Variants in RANBP2 observed in about 807,000 individuals in gnomAD.
The protein encoded by RANBP2 is RAN binding protein 2, also known as E3 SUMO-protein ligase RanBP2.
RANBP2 carries 57 observed loss-of-function variants against 303.6 expected under a neutral mutation model. That is an observed-to-expected ratio of 0.19 (90% confidence interval 0.15 to 0.23). RANBP2 has a LOEUF of 0.23. Among genes scored for constraint, RANBP2 ranks in the 10% least tolerant of loss-of-function variants. RANBP2 has a pLI of 1.00. For synonymous variants in RANBP2, 1,167 were observed against 1,301.5 expected (o/e 0.90, Z 2.23); for missense variants, 3,138 against 3,780.8 (o/e 0.83, Z 4.46).
At chr2:108,950,170 T>A in the RANBP2 span, among the ~76,000 whole-genome samples, 1 of 152,104 alleles carries the variant, frequency 6.6e-6, no homozygotes, top group East Asian at 1.9e-4. Context: ...CCATCTAAGA[T>A]GTCATGTCTT....
the RANBP2 span, among the ~76,000 whole-genome samples, chr2:109,513,692 G>A: frequency 6.6e-6 from 1 of 152,214 alleles, no homozygotes; most frequent in African/African-American, 2.4e-5. Context: ...ATGAGGCTTT[G>A]CAGGAGGAGT....
the RANBP2 span, chr2:109,605,604 A>T: frequency 6.6e-6 from 1 of 152,260 alleles, no homozygotes; most frequent in Non-Finnish European, 1.5e-5. Context: ...AGAATACCTG[A>T]GGATAAGCTA....
chr2:109,441,631 T>A, the RANBP2 span, among the ~76,000 whole-genome samples: 2 of 152,140 alleles, frequency 1.3e-5, no homozygotes, highest in African/African-American at 4.8e-5. Flanking sequence ...GAAAAATGAT[T>A]TGAAGAAATA....
the RANBP2 span, among the ~76,000 whole-genome samples, chr2:109,207,980 T>TC: frequency 6.6e-6 from 1 of 152,164 alleles, no homozygotes; most frequent in African/African-American, 2.4e-5. Flanking sequence ...GCATTCCCCC[T>TC]CCCCCATTTT....
the RANBP2 span, among the ~76,000 whole-genome samples, chr2:109,297,800 C>G: frequency 6.6e-6 from 1 of 151,464 alleles, no homozygotes; most frequent in Non-Finnish European, 1.5e-5. Flanking sequence ...TAGGTCAGCT[C>G]TCCCCACTAG....
At chr2:108,839,303 T>C in the RANBP2 span, 1 of 1,606,872 alleles carries the variant, frequency 6.2e-7, no homozygotes, top group African/African-American at 1.3e-5. Flanking sequence ...GGAGCACAGG[T>C]AATTGGTTAA....
the RANBP2 span, chr2:109,543,298 G>A: frequency 3.3e-5 from 5 of 152,276 alleles, no homozygotes; most frequent in African/African-American, 7.2e-5. Context: ...TTTTCCTAAT[G>A]AAAGCTGTGA....
At chr2:108,858,339 G>A in the RANBP2 span, among the ~76,000 whole-genome samples, 10 of 152,006 alleles carry the variant, frequency 6.6e-5, no homozygotes, top group East Asian at 1.9e-4. Flanking sequence ...GTAAGTCTCC[G>A]TCTCAAAAAC....
chr2:109,679,457 A>G, the RANBP2 span, among the ~76,000 whole-genome samples: 1 of 152,238 alleles, frequency 6.6e-6, no homozygotes, highest in Admixed American at 6.5e-5. Context: ...GGCATTGTCT[A>G]TGAAAGTTGA....
At chr2:109,639,830 C>T in the RANBP2 span, among the ~76,000 whole-genome samples, 12 of 151,144 alleles carry the variant, frequency 7.9e-5, no homozygotes, top group Non-Finnish European at 1.8e-4. Context: ...CCTGCCTCAG[C>T]ATCCTGAGTA....
the RANBP2 span, chr2:108,897,245 G>C: frequency 6.2e-7 from 1 of 1,608,008 alleles, no homozygotes. Context: ...GACACCAATG[G>C]CCACAGTTAG....
the RANBP2 span, among the ~76,000 whole-genome samples, chr2:109,488,622 G>A: frequency 1.3e-5 from 2 of 152,122 alleles, no homozygotes; most frequent in African/African-American, 2.4e-5. Flanking sequence ...TTCCTTTCTA[G>A]TTTCTACCCA....
At chr2:108,822,929 G>A in the RANBP2 span, among the ~76,000 whole-genome samples, 2 of 151,922 alleles carry the variant, frequency 1.3e-5, 1 homozygote, top group Admixed American at 1.3e-4. Flanking sequence ...GGAGAAAGAA[G>A]ACTGGAATAA....
chr2:109,581,761 C>G, the RANBP2 span, among the ~76,000 whole-genome samples: 69 of 152,262 alleles, frequency 4.5e-4, no homozygotes, highest in African/African-American at 1.6e-3. Flanking sequence ...CCCTTGAGAA[C>G]TGAAACAAGA....
At chr2:108,844,832 C>T in the RANBP2 span, among the ~76,000 whole-genome samples, 1 of 151,288 alleles carries the variant, frequency 6.6e-6, no homozygotes, top group Non-Finnish European at 1.5e-5. Context: ...ACTGCAACCT[C>T]CGACTCCCAG....
Position 108,768,108 on chromosome 2 carries a change from C to T in RANBP2, c.7569C>T (p.Ser2523=). The T allele has an allele frequency of 2.5e-6, 4 of 1,612,014 alleles. No homozygotes were observed. The highest frequency in any genetic ancestry group is 3.4e-6 in the Non-Finnish European group (4 of 1,179,852). The change falls in exon 20 of 29, where the codon AGC becomes AGT. Residue 2523 remains serine, a synonymous_variant. Coordinates refer to ENST00000283195, the MANE Select transcript of RANBP2 (RefSeq NM_006267.5). The part of the protein sequence containing the change: ...KFVFGSESVK[S]IFSSEKSKPF... ...TATTTGGTTCAGAGTCTGTTAAAAG[C>T]ATTTTTAGTAGTGAAAAATCAAAAC... is the stretch of plus-strand genomic sequence containing the variant.
At chr2:109,387,189 T>C in the RANBP2 span, among the ~76,000 whole-genome samples, 69 of 152,348 alleles carry the variant, frequency 4.5e-4, no homozygotes, top group African/African-American at 1.6e-3. Flanking sequence ...GATTGCGCTG[T>C]ATCAGTATTT....
the RANBP2 span, among the ~76,000 whole-genome samples, chr2:109,693,552 T>G: frequency 6.6e-6 from 1 of 152,222 alleles, no homozygotes; most frequent in Non-Finnish European, 1.5e-5. Flanking sequence ...CTGATGATTT[T>G]ATAAGGGGTT....
the RANBP2 span, among the ~76,000 whole-genome samples, chr2:109,031,506 C>A: frequency 1.0e-4 from 16 of 152,384 alleles, no homozygotes; most frequent in South Asian, 3.3e-3. Context: ...GATGCGCGCT[C>A]AGACCCAGCA....
Sources: gnomAD v4.1 joint callset for allele counts (sites outside exome capture counted in the v4.1 genomes callset) on GRCh38, gnomAD v4.1.1 for gene constraint, MANE v1.5 for transcripts, NCBI Gene and HGNC (gene_info 2026-07-23, HGNC 2026-07-21) for gene names.